The following PDZD2 variants were observed in gnomAD, a reference collection of about 807,000 sequenced individuals.
PDZD2 encodes PDZ domain containing 2.
A neutral mutation model predicts 220.7 loss-of-function variants in PDZD2; 90 were observed. That is an observed-to-expected ratio of 0.41 (90% CI 0.34 to 0.49). The LOEUF is 0.49. Among genes scored for constraint, PDZD2 ranks in the 20% least tolerant of loss-of-function variants. The pLI, the probability that PDZD2 is intolerant of heterozygous loss-of-function variation, is 0.28. For missense variants in PDZD2, 3,174 were observed against 3,608.5 expected (o/e 0.88, Z 3.08); for synonymous variants, 1,375 against 1,450.5 (o/e 0.95, Z 1.18).
intron 2 of PDZD2, among the ~76,000 whole-genome samples, chr5:31,970,005 T>C (rs1211074145): frequency 1.3e-5 from 2 of 152,016 alleles, no homozygotes; most frequent in African/African-American, 4.8e-5. Flanking sequence ...TTCAAGCAGT[T>C]CTCCTGCCTC....
chr5:31,936,139 G>T, intron 2 of PDZD2: 1 of 986,444 alleles, frequency 1.0e-6, no homozygotes, highest in African/African-American at 1.7e-5. Context: ...GAGAGAATCT[G>T]CTCCTCAGCT....
chr5:31,751,080 T>TAA (rs1234066726), intron 1 of PDZD2, among the ~76,000 whole-genome samples: 1 of 151,894 alleles, frequency 6.6e-6, no homozygotes, highest in Non-Finnish European at 1.5e-5. Context: ...CTGTCTCTAC[T>TAA]AAAAATACAA....
chr5:31,922,059 T>C (rs1744311548), intron 2 of PDZD2, among the ~76,000 whole-genome samples: 1 of 151,602 alleles, frequency 6.6e-6, no homozygotes, highest in South Asian at 2.1e-4. Flanking sequence ...CTGATTCCCA[T>C]GGGAAATCTC....
intron 1 of PDZD2, among the ~76,000 whole-genome samples, chr5:31,686,378 T>C (rs1431771813): frequency 6.6e-6 from 1 of 151,406 alleles, no homozygotes; most frequent in Non-Finnish European, 1.5e-5. Flanking sequence ...TTTTTTTTTC[T>C]TTCTGAGACG....
intron 1 of PDZD2, among the ~76,000 whole-genome samples, chr5:31,790,097 G>T (rs1323195873): frequency 1.3e-5 from 2 of 152,020 alleles, no homozygotes; most frequent in African/African-American, 4.8e-5. Flanking sequence ...GCCTCTTACT[G>T]GGAGGTCTTT....
intron 1 of PDZD2, among the ~76,000 whole-genome samples, chr5:31,697,232 G>A (rs1747414723): frequency 6.6e-6 from 1 of 152,190 alleles, no homozygotes; most frequent in South Asian, 2.1e-4. Flanking sequence ...GGAGGCCAAG[G>A]TGGGTGGATC....
chr5:32,063,895 G>A (rs1739938808), intron 14 of PDZD2, among the ~76,000 whole-genome samples: 1 of 152,204 alleles, frequency 6.6e-6, no homozygotes, highest in African/African-American at 2.4e-5. Context: ...TGTTACTGTT[G>A]TTAGACTGAT....
intron 18 of PDZD2, among the ~76,000 whole-genome samples, chr5:32,076,184 T>G (rs1265521333): frequency 6.6e-6 from 1 of 150,542 alleles, no homozygotes; most frequent in Non-Finnish European, 1.5e-5. Flanking sequence ...TACTCGGGAG[T>G]CTGAGGCAGG....
chr5:31,992,056 C>A (rs1349776914), intron 3 of PDZD2, among the ~76,000 whole-genome samples: 2 of 151,816 alleles, frequency 1.3e-5, no homozygotes, highest in Non-Finnish European at 1.5e-5. Context: ...AAAACAACAA[C>A]AAAAAAAACT....
At chr5:31,738,454 G>A (rs530306476) in intron 1 of PDZD2, 78 of 152,306 alleles carry the variant, frequency 5.1e-4, no homozygotes, top group African/African-American at 1.9e-3. Context: ...TCTTCTTACA[G>A]CCTTGTTCTG....
Position 31,950,046 on chromosome 5 carries a change from G to A in PDZD2, c.477-33109G>A, listed in dbSNP as rs143298410. 1.2e-3 allele frequency among the ~76,000 whole-genome samples: 176 copies of A among 152,170 alleles called. 2 individuals carry two copies. The highest frequency in any genetic ancestry group is 4.1e-3 in the African/African-American group (172 of 41,526). Reference sequence around the variant, plus strand: ...TCTATATGCAGTCTTATCCAGAAGAGGCTTATTACCTCCTCCGGTGATGTG... The same window carrying A: ...TCTATATGCAGTCTTATCCAGAAGAAGCTTATTACCTCCTCCGGTGATGTG... On this transcript the variant is annotated intron_variant, in intron 2 of 24. Transcript: ENST00000438447.
chr5:31,797,088 CAGCT>C (rs1230727445), intron 1 of PDZD2, among the ~76,000 whole-genome samples: 2 of 143,620 alleles, frequency 1.4e-5, no homozygotes, highest in Admixed American at 7.0e-5. Context: ...CCACCACACC[CAGCT>C]AATTTTTTTT....
intron 1 of PDZD2, among the ~76,000 whole-genome samples, chr5:31,643,141 G>A (rs1745010297): frequency 6.6e-6 from 1 of 152,208 alleles, no homozygotes; most frequent in Non-Finnish European, 1.5e-5. Flanking sequence ...GACCGCATCT[G>A]CTGTATAGGG....
intron 2 of PDZD2, among the ~76,000 whole-genome samples, chr5:31,900,274 G>A (rs1741958813): frequency 6.6e-6 from 1 of 152,218 alleles, no homozygotes; most frequent in South Asian, 2.1e-4. Context: ...GTGTCAGGCA[G>A]TCAAGAAACA....
chr5:31,830,251 C>T (rs1485340412), intron 2 of PDZD2, among the ~76,000 whole-genome samples: 245 of 151,170 alleles, frequency 1.6e-3, no homozygotes, highest in African/African-American at 5.4e-3. Context: ...CTGCAAGCTC[C>T]GCCTCCCGGG....
intron 2 of PDZD2, among the ~76,000 whole-genome samples, chr5:31,910,957 C>T (rs1430771980): frequency 6.6e-6 from 1 of 152,056 alleles, no homozygotes; most frequent in African/African-American, 2.4e-5. Flanking sequence ...TTATTTTAAA[C>T]CAGTTCTGTT....
chr5:31,741,458 T>C (rs952640556), intron 1 of PDZD2, among the ~76,000 whole-genome samples: 1 of 152,054 alleles, frequency 6.6e-6, no homozygotes, highest in Non-Finnish European at 1.5e-5. Flanking sequence ...ACCTGAAGCC[T>C]GCAAGATCAC....
At chr5:31,909,254 A>G (rs1392625911) in intron 2 of PDZD2, 1 of 152,850 alleles carries the variant, frequency 6.5e-6, no homozygotes, top group Non-Finnish European at 1.5e-5. Flanking sequence ...CATCCACACA[A>G]CAACAGGACT....
At chr5:31,856,935 T>TATATATAA (rs1491386991) in intron 2 of PDZD2, among the ~76,000 whole-genome samples, 7 of 107,904 alleles carry the variant, frequency 6.5e-5, no homozygotes, top group Non-Finnish European at 6.7e-5. Flanking sequence ...TATATATATA[T>TATATATAA]AACTTTAAAA....
Sources: allele counts gnomAD v4.1 joint callset (sites outside exome capture counted in the v4.1 genomes callset), GRCh38; gene constraint gnomAD v4.1.1; transcripts MANE v1.5; gene names NCBI Gene and HGNC (gene_info 2026-07-23, HGNC 2026-07-21).